NELL2: variants seen among roughly 807,000 people sequenced by gnomAD.
NELL2 encodes the protein neural EGFL like 2, also known as protein kinase C-binding protein NELL2.
Under a neutral mutation model 109.6 loss-of-function variants are expected in NELL2, and 41 were observed. The ratio of observed to expected loss-of-function variants is 0.37; its 90% confidence interval spans 0.29 to 0.49. The LOEUF is 0.49. Among genes scored for constraint, NELL2 ranks in the 20% least tolerant of loss-of-function variants. NELL2 has a pLI of 0.98. For missense variants in NELL2, 900 were observed against 1,008.3 expected, an observed-to-expected ratio of 0.89 and a Z score of 1.45; for synonymous variants, 355 against 344.7, an observed-to-expected ratio of 1.03 and a Z score of -0.33.
At chr12:44,790,492 CA>C (rs1942340716) in intron 3 of NELL2, among the ~76,000 whole-genome samples, 1 of 151,770 alleles carries the variant, frequency 6.6e-6, no homozygotes, top group African/African-American at 2.4e-5. Flanking sequence ...AATTTTGAAA[CA>C]AATACTGGAA....
chr12:44,837,771 T>G (rs1290932553), intron 2 of NELL2, among the ~76,000 whole-genome samples: 2 of 152,172 alleles, frequency 1.3e-5, no homozygotes, highest in Admixed American at 1.3e-4. Context: ...CATTTGGTTT[T>G]CTGATTGCTA....
chr12:44,777,436 T>A, intron 5 of NELL2, 122 bp from the exon 6 acceptor site: 2 of 733,346 alleles, frequency 2.7e-6, no homozygotes, highest in Non-Finnish European at 2.3e-6. Flanking sequence ...GAGTAAAAAG[T>A]CTTTGTTAAT....
intron 2 of NELL2, among the ~76,000 whole-genome samples, chr12:44,843,776 C>T (rs564336651): frequency 1.3e-5 from 2 of 152,266 alleles, no homozygotes; most frequent in Admixed American, 6.5e-5. Flanking sequence ...ACTCCCAGCA[C>T]TTTGGGAGGC....
At chr12:44,847,971 G>T (rs960296859) in intron 2 of NELL2, among the ~76,000 whole-genome samples, 1 of 148,326 alleles carries the variant, frequency 6.7e-6, no homozygotes, top group Admixed American at 6.8e-5. Flanking sequence ...GTCGGAGGTT[G>T]TAGTGAGCCA....
chr12:44,644,578 A>T (rs868589465), intron 13 of NELL2, among the ~76,000 whole-genome samples: 9 of 109,504 alleles, frequency 8.2e-5, no homozygotes, highest in Non-Finnish European at 1.2e-4. Flanking sequence ...AGACAAAGTA[A>T]AGTATATATA....
intron 9 of NELL2, among the ~76,000 whole-genome samples, chr12:44,732,841 A>G (rs1298235481): frequency 6.6e-6 from 1 of 151,990 alleles, no homozygotes; most frequent in Non-Finnish European, 1.5e-5. Flanking sequence ...GAATTTCCAC[A>G]GCTCAATGGC....
At chr12:44,821,064 C>CAT (rs1329581637) in intron 2 of NELL2, among the ~76,000 whole-genome samples, 2 of 151,632 alleles carry the variant, frequency 1.3e-5, no homozygotes, top group Admixed American at 1.3e-4. Flanking sequence ...CACACACACA[C>CAT]ACACACGTAT....
intron 13 of NELL2, among the ~76,000 whole-genome samples, chr12:44,628,130 T>C (rs1480116487): frequency 1.3e-5 from 2 of 151,024 alleles, no homozygotes; most frequent in African/African-American, 5.0e-5. Context: ...TAATATGTAA[T>C]TTAAGTACAT....
At chr12:44,615,578 A>C (rs1945789314) in intron 13 of NELL2, among the ~76,000 whole-genome samples, 1 of 152,110 alleles carries the variant, frequency 6.6e-6, no homozygotes, top group Non-Finnish European at 1.5e-5. Context: ...TATGTAATTG[A>C]TTGCCCAACA....
intron 1 of NELL2, among the ~76,000 whole-genome samples, chr12:44,890,484 C>G (rs1053005779): frequency 6.6e-6 from 1 of 152,162 alleles, no homozygotes; most frequent in African/African-American, 2.4e-5. Context: ...CAACTTTATT[C>G]ATTTATTCAA....
At chr12:44,816,572 T>G (rs926818833) in intron 2 of NELL2, among the ~76,000 whole-genome samples, 6 of 152,174 alleles carry the variant, frequency 3.9e-5, no homozygotes, top group African/African-American at 1.4e-4. Context: ...GACAGAAAAC[T>G]GGATTTAAAT....
intron 2 of NELL2, among the ~76,000 whole-genome samples, chr12:44,868,791 G>A (rs1405071259): frequency 6.6e-6 from 1 of 152,008 alleles, no homozygotes; most frequent in Non-Finnish European, 1.5e-5. Flanking sequence ...CAATTAGATG[G>A]CACAATATGT....
chr12:44,909,022 T>G (rs940609296), intron 1 of NELL2, among the ~76,000 whole-genome samples: 3 of 151,826 alleles, frequency 2.0e-5, no homozygotes, highest in Admixed American at 2.0e-4. Context: ...CAATGCTCTA[T>G]TAAGTTGAAA....
chr12:44,851,701 C>T (rs186005308), intron 2 of NELL2: 1 of 152,290 alleles, frequency 6.6e-6, no homozygotes, highest in Non-Finnish European at 1.5e-5. Flanking sequence ...TAGTAGCCAA[C>T]TAACATTTAT....
rs181835433 is a variant in NELL2, at chr12:44,857,572, T to G, written c.184+17653A>C. Among the ~76,000 whole-genome samples the G allele has an allele frequency of 2.9e-3, 444 of 152,206 alleles. 1 individual carries two copies. The highest frequency in any genetic ancestry group is 9.8e-3 in the African/African-American group (408 of 41,542). On this transcript the variant is annotated intron_variant, in intron 2 of 19. Transcript: ENST00000429094. ...AAATCAATACCAAGGAACGCCAAGG[T>G]TATCCAGACAGAGCCAGGTAAAACA...
intron 12 of NELL2, among the ~76,000 whole-genome samples, chr12:44,682,181 T>G (rs1218624375): frequency 2.7e-5 from 4 of 150,196 alleles, no homozygotes; most frequent in Non-Finnish European, 1.5e-5. Flanking sequence ...ATGGTGAGCA[T>G]TTTTTCATGT....
At chr12:44,869,342 T>C (rs748501705) in intron 2 of NELL2, among the ~76,000 whole-genome samples, 1 of 152,160 alleles carries the variant, frequency 6.6e-6, no homozygotes, top group Non-Finnish European at 1.5e-5. Context: ...CCCTCTGGAG[T>C]CAGCTCCATG....
intron 3 of NELL2, among the ~76,000 whole-genome samples, chr12:44,782,101 C>A (rs73104333): frequency 3.3e-5 from 5 of 151,764 alleles, no homozygotes; most frequent in Non-Finnish European, 5.9e-5. Flanking sequence ...GTATGTTAAA[C>A]AATATTTAAA....
intron 13 of NELL2, among the ~76,000 whole-genome samples, chr12:44,647,205 A>G (rs944449075): frequency 7.2e-5 from 11 of 152,150 alleles, no homozygotes; most frequent in African/African-American, 2.7e-4. Context: ...TATATAACCT[A>G]AAGAACACGA....
Sources: gnomAD v4.1 joint callset for allele counts (sites outside exome capture counted in the v4.1 genomes callset) on GRCh38, gnomAD v4.1.1 for gene constraint, MANE v1.5 for transcripts, NCBI Gene and HGNC (gene_info 2026-07-23, HGNC 2026-07-21) for gene names.